PRKCE: variants seen among roughly 807,000 people sequenced by gnomAD.
The protein encoded by PRKCE is protein kinase C epsilon type.
Under a neutral mutation model 85.4 loss-of-function variants are expected in PRKCE, and 16 were observed. That is an observed-to-expected ratio of 0.19 (90% confidence interval 0.13 to 0.28). PRKCE has a LOEUF of 0.28. PRKCE is among the 10% of genes least tolerant of loss of function. The pLI is 1.00. For missense variants in PRKCE, 573 were observed against 975.2 expected, an observed-to-expected ratio of 0.59 and a Z score of 5.49; for synonymous variants, 388 against 371.5, an observed-to-expected ratio of 1.04 and a Z score of -0.51.
intron 1 of PRKCE, among the ~76,000 whole-genome samples, chr2:45,707,758 C>G (rs1179731804): frequency 6.6e-6 from 1 of 152,198 alleles, no homozygotes; most frequent in Non-Finnish European, 1.5e-5. Flanking sequence ...GGAAATAGCT[C>G]CTGCATCCTC....
At chr2:45,975,143 G>A (rs1205881344) in intron 2 of PRKCE, among the ~76,000 whole-genome samples, 1 of 151,428 alleles carries the variant, frequency 6.6e-6, no homozygotes, top group Admixed American at 6.6e-5. Flanking sequence ...TCTATTCTTC[G>A]CTTTGCATAC....
intron 13 of PRKCE, among the ~76,000 whole-genome samples, chr2:46,154,139 G>T (rs1199371428): frequency 6.6e-6 from 1 of 152,016 alleles, no homozygotes; most frequent in African/African-American, 2.4e-5. Context: ...CCCAGTGCAG[G>T]GCTAACCCTC....
chr2:46,104,568 C>T (rs915977976), intron 11 of PRKCE, among the ~76,000 whole-genome samples: 1 of 151,966 alleles, frequency 6.6e-6, no homozygotes, highest in Admixed American at 6.6e-5. Context: ...ATACAATGAG[C>T]CTTAAAGGTC....
chr2:46,082,579 C>T (rs1261860284), intron 10 of PRKCE, among the ~76,000 whole-genome samples: 1 of 152,086 alleles, frequency 6.6e-6, no homozygotes, highest in Non-Finnish European at 1.5e-5. Context: ...ATAGAGGTGC[C>T]TTGGAAACTG....
At chr2:45,788,153 T>TA (rs1382558881) in intron 1 of PRKCE, among the ~76,000 whole-genome samples, 1 of 152,206 alleles carries the variant, frequency 6.6e-6, no homozygotes. Context: ...TGTGGCTACT[T>TA]GGGATTCTCA....
rs569307639 is a variant in PRKCE, at chr2:45,688,826, A to C, written c.348+36378A>C. Among the ~76,000 whole-genome samples, 31 of 152,346 alleles carry C rather than the reference A, an allele frequency of 2.0e-4. No homozygotes were observed. The South Asian group carries it at 6.4e-3, about 32-fold the overall frequency. ...TAATTTTATCAATTGCACCTACTGC[A>C]AGTGCTCCTTGTCCTTGGATCAATG... On this transcript the variant is annotated intron_variant, in intron 1 of 14. Transcript: ENST00000306156.
chr2:46,040,387 G>A (rs1455801463), intron 10 of PRKCE, among the ~76,000 whole-genome samples: 1 of 152,176 alleles, frequency 6.6e-6, no homozygotes. Context: ...CAGACAGATG[G>A]CAGAGCACCG....
At chr2:45,881,715 G>A (rs1694903447) in intron 2 of PRKCE, among the ~76,000 whole-genome samples, 1 of 152,164 alleles carries the variant, frequency 6.6e-6, no homozygotes, top group African/African-American at 2.4e-5. Flanking sequence ...GGAATGACTT[G>A]CCTAAGTCAC....
intron 1 of PRKCE, among the ~76,000 whole-genome samples, chr2:45,732,759 A>C (rs532997360): frequency 1.3e-5 from 2 of 152,164 alleles, no homozygotes; most frequent in Admixed American, 1.3e-4. Context: ...CTCTTTCACT[A>C]TCTTTCTCAA....
intron 2 of PRKCE, among the ~76,000 whole-genome samples, chr2:45,918,996 A>T (rs1045997652): frequency 6.6e-6 from 1 of 152,194 alleles, no homozygotes; most frequent in Non-Finnish European, 1.5e-5. Context: ...AGGGTATGCC[A>T]GCTGGGATGG....
At chr2:46,033,071 G>T (rs1707638025) in intron 10 of PRKCE, among the ~76,000 whole-genome samples, 1 of 152,200 alleles carries the variant, frequency 6.6e-6, no homozygotes, top group Non-Finnish European at 1.5e-5. Context: ...GTAGAAGCAT[G>T]AGTTGGATGG....
intron 2 of PRKCE, among the ~76,000 whole-genome samples, chr2:45,949,402 G>GTTTTTTTTTTTTTTTTTTTGTTTT (rs35033431): frequency 1.7e-5 from 2 of 118,746 alleles, no homozygotes; most frequent in Non-Finnish European, 3.4e-5. Flanking sequence ...TATTTTGCTT[G>GTTTTTTTTTTTTTTTTTTTGTTTT]TTTTTTTTTT....
intron 1 of PRKCE, among the ~76,000 whole-genome samples, chr2:45,766,628 G>A (rs1054580205): frequency 7.9e-5 from 12 of 152,360 alleles, no homozygotes; most frequent in South Asian, 2.1e-4. Flanking sequence ...CAGACCTTAG[G>A]ATGGCCTAAT....
intron 2 of PRKCE, among the ~76,000 whole-genome samples, chr2:45,922,329 C>T (rs1698308956): frequency 6.6e-6 from 1 of 152,010 alleles, no homozygotes. Flanking sequence ...GACTAGAGGC[C>T]CCAAAACTCT....
At chr2:46,116,727 T>C (rs1672806503) in intron 11 of PRKCE, among the ~76,000 whole-genome samples, 1 of 138,132 alleles carries the variant, frequency 7.2e-6, no homozygotes, top group Non-Finnish European at 1.6e-5. Flanking sequence ...GTGCTGTTCC[T>C]GAGAAGGATG....
chr2:46,144,321 T>C (rs545853457), intron 11 of PRKCE, among the ~76,000 whole-genome samples: 18 of 152,222 alleles, frequency 1.2e-4, no homozygotes, highest in African/African-American at 4.1e-4. Context: ...ACAAATGCAT[T>C]GTGCTCATGC....
intron 11 of PRKCE, among the ~76,000 whole-genome samples, chr2:46,143,329 C>T (rs1675746913): frequency 6.6e-6 from 1 of 151,988 alleles, no homozygotes; most frequent in African/African-American, 2.4e-5. Context: ...CTGGATACTA[C>T]AAAATAGGGA....
At chr2:45,720,527 C>T (rs1680526936) in intron 1 of PRKCE, among the ~76,000 whole-genome samples, 1 of 152,114 alleles carries the variant, frequency 6.6e-6, no homozygotes, top group Admixed American at 6.5e-5. Flanking sequence ...AGATATGTCG[C>T]TGCCCACCAA....
At chr2:45,978,581 C>G (rs1381278024) in intron 3 of PRKCE, 1 of 178,616 alleles carries the variant, frequency 5.6e-6, no homozygotes, top group Non-Finnish European at 1.2e-5. Context: ...AGTTAGAGGG[C>G]CCACAGAGCG....
Sources: allele counts gnomAD v4.1 joint callset (sites outside exome capture counted in the v4.1 genomes callset), GRCh38; gene constraint gnomAD v4.1.1; transcripts MANE v1.5; gene names NCBI Gene and HGNC (gene_info 2026-07-23, HGNC 2026-07-21).